The following PRTG variants were observed in gnomAD, a reference collection of about 807,000 sequenced individuals.
PRTG encodes the protein immunoglobulin superfamily, DCC subclass, member 5.
PRTG carries 67 observed loss-of-function variants against 122.5 expected under a neutral mutation model. The ratio of observed to expected loss-of-function variants is 0.55; its 90% CI spans 0.45 to 0.67. The LOEUF (loss-of-function observed/expected upper bound fraction) is 0.67. Ranked by LOEUF, PRTG falls within the 30% of genes least tolerant of loss-of-function variation. PRTG has a pLI of 0.00. For missense variants in PRTG, 1,435 were observed against 1,415.4 expected, an observed-to-expected ratio of 1.01 and a Z score of -0.22; for synonymous variants, 554 against 501.1, an observed-to-expected ratio of 1.11 and a Z score of -1.41.
intron 2 of PRTG, among the ~76,000 whole-genome samples, chr15:55,706,014 ATTTTT>A (rs56275705): frequency 1.1e-5 from 1 of 94,358 alleles, no homozygotes; most frequent in Non-Finnish European, 2.0e-5. Flanking sequence ...TGCCCAGCTA[ATTTTT>A]TTTTTTTTTT....
intron 14 of PRTG, 60 bp downstream of exon 14, chr15:55,638,489 T>A: frequency 7.3e-7 from 1 of 1,365,856 alleles, no homozygotes; most frequent in Non-Finnish European, 1.0e-6. Flanking sequence ...CATACATATT[T>A]TTAAAACATT....
chr15:55,621,181 G>A (rs534841926), intron 18 of PRTG, among the ~76,000 whole-genome samples: 4 of 152,152 alleles, frequency 2.6e-5, no homozygotes, highest in African/African-American at 7.2e-5. Context: ...GTGAAACCCC[G>A]TCTCTACTAA....
intron 2 of PRTG, among the ~76,000 whole-genome samples, chr15:55,695,254 G>A (rs1421550878): frequency 3.3e-5 from 5 of 152,104 alleles, no homozygotes; most frequent in Non-Finnish European, 5.9e-5. Context: ...TAAGTAATAC[G>A]CTATGCATGC....
At chr15:55,684,112 AT>A in intron 2 of PRTG, among the ~76,000 whole-genome samples, 181 bp from the exon 3 acceptor site, 1 of 152,374 alleles carries the variant, frequency 6.6e-6, no homozygotes, top group South Asian at 2.1e-4. Context: ...CAGTTGCCCA[AT>A]TTACGAAGTC....
In PRTG at chr15:55,680,148, A is replaced by G; in HGVS notation, c.879T>C (p.Asp293=). The change falls in exon 6 of 20, where the codon GAT becomes GAC. Residue 293 remains aspartate (D), a synonymous_variant. Transcript: ENST00000389286. The part of the protein sequence containing the change: ...VLGNGNLMIS[D]VRLQHAGVYV... ...ATACTCCAGCATGTTGTAGCCTGAC[A>G]TCAGATATCATGAGATTACCATTTC... 6.2e-7 allele frequency: 1 copy of G among 1,612,348 alleles called. No homozygotes were observed. Among genetic ancestry groups the G allele is most frequent in the Non-Finnish European group, 8.5e-7 (1 of 1,178,442 alleles).
At position 55,612,696 on chromosome 15, in the gene PRTG, CAATATATATATATATATATATATATA is replaced by C. The variant is rs1409762740; in HGVS notation, c.*7290_*7315del. 9 of 90,598 alleles carry C rather than the reference CAATATATATATATATATATATATATA, an allele frequency of 9.9e-5. No homozygotes were observed. Among genetic ancestry groups the C allele is most frequent in the South Asian group, 3.7e-4 (1 of 2,702 alleles). 5.6% of individuals were successfully genotyped at this position (90,598 alleles called of 1,614,324 possible). On this transcript the variant is annotated 3_prime_UTR_variant, in exon 20 of 20. Coordinates refer to ENST00000389286, the MANE Select transcript of PRTG (RefSeq NM_173814.6). Reference sequence around the variant, plus strand: ...ATTCTCTCTTTAACTCTTTAAAAGCCAATATATATATATATATATATATATATATATATATATATATATATATATAT... The same window carrying C: ...ATTCTCTCTTTAACTCTTTAAAAGCCTATATATATATATATATATATATAT...
intron 11 of PRTG, among the ~76,000 whole-genome samples, chr15:55,649,770 A>G (rs937598778): frequency 1.3e-5 from 2 of 151,680 alleles, no homozygotes; most frequent in African/African-American, 4.9e-5. Flanking sequence ...CCGGCCTGGG[A>G]GACAGAGCGA....
chr15:55,686,234 A>G (rs2059569728), intron 2 of PRTG, among the ~76,000 whole-genome samples: 1 of 152,182 alleles, frequency 6.6e-6, no homozygotes, highest in Admixed American at 6.5e-5. Context: ...TATGAAATAT[A>G]AAGCACTCTT....
chr15:55,662,255 C>A (rs887661800), intron 11 of PRTG, among the ~76,000 whole-genome samples: 5 of 152,174 alleles, frequency 3.3e-5, no homozygotes, highest in Non-Finnish European at 7.3e-5. Flanking sequence ...CTGCTATACA[C>A]AGCACGCAAG....
intron 16 of PRTG, 92 bp downstream of exon 16, chr15:55,628,730 G>A (rs2059209123): frequency 3.1e-6 from 3 of 980,044 alleles, no homozygotes; most frequent in Admixed American, 4.8e-5. Context: ...AGCCGGTTTA[G>A]GGATACAGCA....
rs71476735 is a variant in PRTG, at chr15:55,612,320, T to C, written c.*7692A>G. 6.6e-6 allele frequency: 1 copy of C among 151,910 alleles called. No homozygotes were observed. Among genetic ancestry groups the C allele is most frequent in the Admixed American group, 6.6e-5 (1 of 15,258 alleles). The allele number at this position is 151,910 out of a possible 1,614,324, so 9.4% of individuals were successfully genotyped here. On this transcript the variant is annotated 3_prime_UTR_variant, in exon 20 of 20. Transcript: ENST00000389286. ...AAAAAATAAACTTCTGTAACATAAATTTTTTTTCAGTTGTAAGTCAAGACT... is the reference window on the plus strand; with the variant it reads ...AAAAAATAAACTTCTGTAACATAAACTTTTTTTCAGTTGTAAGTCAAGACT...
At chr15:55,742,619 C>T (rs372711183) in intron 1 of PRTG, 33 of 545,966 alleles carry the variant, frequency 6.0e-5, no homozygotes, top group Middle Eastern at 4.8e-4. Flanking sequence ...GAGAAGCTCC[C>T]GCAGCCCTGC....
At chr15:55,665,550 C>CT (rs781741169) in intron 11 of PRTG, among the ~76,000 whole-genome samples, 2,137 of 110,542 alleles carry the variant, frequency 0.019, 20 homozygotes, top group African/African-American at 0.026. Flanking sequence ...AAAATTTTTT[C>CT]TTTTTTTTTT....
intron 11 of PRTG, among the ~76,000 whole-genome samples, chr15:55,672,048 T>C (rs1411093270): frequency 1.3e-5 from 2 of 152,224 alleles, no homozygotes; most frequent in East Asian, 1.9e-4. Flanking sequence ...ATAGCAATTA[T>C]ATAGTACTCT....
intron 11 of PRTG, among the ~76,000 whole-genome samples, chr15:55,651,023 A>C (rs1252597701): frequency 6.6e-6 from 1 of 152,174 alleles, no homozygotes; most frequent in Non-Finnish European, 1.5e-5. Context: ...AACCAACAGA[A>C]ATGGAAGAGG....
chr15:55,742,593 G>A (rs1567124194), intron 1 of PRTG: 1 of 482,690 alleles, frequency 2.1e-6, no homozygotes, highest in Middle Eastern at 5.5e-4. Flanking sequence ...GCGCGGCGCG[G>A]AGGGGCGTGC....
chr15:55,638,498 T>A (rs2141732451), intron 14 of PRTG, 51 bp downstream of exon 14: 1 of 1,431,370 alleles, frequency 7.0e-7, no homozygotes, highest in East Asian at 2.5e-5. Context: ...TTTTAAAACA[T>A]TTCCTTAATT....
chr15:55,641,244 G>A (rs1248868443), intron 11 of PRTG, 36 bp from the exon 12 acceptor site: 2 of 1,476,452 alleles, frequency 1.4e-6, no homozygotes, highest in Admixed American at 1.7e-5. Flanking sequence ...TTAGGACCAG[G>A]TCTCTAGATC....
chr15:55,694,779 G>C (rs930032073), intron 2 of PRTG, among the ~76,000 whole-genome samples: 1 of 152,170 alleles, frequency 6.6e-6, no homozygotes, highest in Non-Finnish European at 1.5e-5. Flanking sequence ...ATTTAAATGG[G>C]AAAACACCTC....
Sources: allele counts gnomAD v4.1 joint callset (sites outside exome capture counted in the v4.1 genomes callset), GRCh38; gene constraint gnomAD v4.1.1; transcripts MANE v1.5; gene names NCBI Gene and HGNC (gene_info 2026-07-23, HGNC 2026-07-21).